GALNT13: variants seen among roughly 807,000 people sequenced by gnomAD.
GALNT13 encodes the protein UDP-GalNAc:polypeptide N-acetylgalactosaminyltransferase 13.
In GALNT13, 28 loss-of-function variants were observed where a neutral mutation model predicts 64.2. The observed-to-expected ratio is 0.44, with a 90% CI of 0.32 to 0.60. GALNT13 has a LOEUF of 0.60. Among genes scored for constraint, GALNT13 ranks in the 20% least tolerant of loss-of-function variants. The pLI, the probability that GALNT13 is intolerant of heterozygous loss-of-function variation, is 0.05. For synonymous variants in GALNT13, 214 were observed against 224.6 expected, an observed-to-expected ratio of 0.95 and a Z score of 0.42; for missense variants, 577 against 669.8, an observed-to-expected ratio of 0.86 and a Z score of 1.53.
the GALNT13 span, among the ~76,000 whole-genome samples, chr2:153,836,539 G>T: frequency 6.6e-6 from 1 of 151,068 alleles, no homozygotes; most frequent in Non-Finnish European, 1.5e-5. Context: ...TTAAGTTTTA[G>T]GGTACATGTG....
intron 4 of GALNT13, among the ~76,000 whole-genome samples, chr2:154,222,750 G>A (rs1173880958): frequency 6.6e-6 from 1 of 152,074 alleles, no homozygotes; most frequent in Non-Finnish European, 1.5e-5. Context: ...TTCCCCATAT[G>A]TTACCTCCTC....
chr2:153,569,613 T>G, the GALNT13 span, among the ~76,000 whole-genome samples: 15 of 152,158 alleles, frequency 9.9e-5, no homozygotes, highest in Non-Finnish European at 1.9e-4. Flanking sequence ...GATGCAGGCA[T>G]GTAATATGAA....
chr2:153,806,611 A>G, the GALNT13 span, among the ~76,000 whole-genome samples: 3 of 151,670 alleles, frequency 2.0e-5, no homozygotes, highest in South Asian at 2.1e-4. Context: ...AGAAATCAAT[A>G]TCATTATCAT....
chr2:153,073,968 T>G, the GALNT13 span, among the ~76,000 whole-genome samples: 16 of 152,266 alleles, frequency 1.1e-4, no homozygotes, highest in South Asian at 8.3e-4. Flanking sequence ...TCATTTACCA[T>G]ATTTCCTTAC....
At chr2:153,119,736 C>A in the GALNT13 span, among the ~76,000 whole-genome samples, 24,101 of 152,054 alleles carry the variant, frequency 0.16, 2,040 homozygotes, top group Middle Eastern at 0.22. Flanking sequence ...CCTTGCCTGA[C>A]CCTTCAGAGA....
the GALNT13 span, among the ~76,000 whole-genome samples, chr2:153,359,630 CAAAAA>C: frequency 7.8e-4 from 30 of 38,230 alleles, no homozygotes; most frequent in African/African-American, 2.2e-3. Flanking sequence ...CAGCTTTCAG[CAAAAA>C]AAAAAAAAAA....
intron 4 of GALNT13, among the ~76,000 whole-genome samples, chr2:154,149,954 C>A (rs1188192888): frequency 1.3e-5 from 2 of 152,176 alleles, no homozygotes; most frequent in Admixed American, 1.3e-4. Flanking sequence ...GCCAGAACGT[C>A]CAACACTATG....
chr2:153,363,771 A>G, the GALNT13 span, among the ~76,000 whole-genome samples: 11 of 152,204 alleles, frequency 7.2e-5, no homozygotes, highest in African/African-American at 2.2e-4. Flanking sequence ...AATAAAGCCC[A>G]GGACCAGATG....
the GALNT13 span, among the ~76,000 whole-genome samples, chr2:153,728,684 C>A: frequency 3.3e-5 from 5 of 152,102 alleles, no homozygotes; most frequent in African/African-American, 1.2e-4. Flanking sequence ...AAAAACCCTT[C>A]AAAAAATCAA....
rs558520868 is a variant in GALNT13 at position 154,160,439 on chromosome 2, T to C, written c.311+19934T>C. On this transcript the variant is annotated intron_variant, in intron 4 of 12. Coordinates refer to ENST00000392825, the MANE Select transcript of GALNT13 (RefSeq NM_052917.4). ...GTGCAATAATTCTTACCATATCCAC[T>C]TCCCTGTAGAATTCATGACTCCTTA... Among the ~76,000 whole-genome samples the C allele has an allele frequency of 6.6e-5, 10 of 152,212 alleles. No homozygotes were observed. The South Asian group carries it at 2.1e-3, about 32-fold the overall frequency.
At chr2:153,892,687 CT>C (rs770704683) in intron 1 of GALNT13, among the ~76,000 whole-genome samples, 9 of 152,006 alleles carry the variant, frequency 5.9e-5, no homozygotes, top group Non-Finnish European at 1.0e-4. Context: ...TTTCACATTA[CT>C]AAAAACAAAC....
At chr2:154,253,687 A>T (rs1690212815) in intron 7 of GALNT13, among the ~76,000 whole-genome samples, 1 of 152,190 alleles carries the variant, frequency 6.6e-6, no homozygotes, top group Admixed American at 6.5e-5. Flanking sequence ...TAGATGATAG[A>T]GCCTTTGAAA....
intron 11 of GALNT13, among the ~76,000 whole-genome samples, chr2:154,415,706 C>A (rs921056895): frequency 1.5e-4 from 23 of 152,114 alleles, no homozygotes; most frequent in Admixed American, 7.2e-4. Context: ...TACTTTGTTT[C>A]ATTACAGATC....
intron 3 of GALNT13, among the ~76,000 whole-genome samples, chr2:154,119,759 G>C (rs1681825640): frequency 6.6e-6 from 1 of 151,930 alleles, no homozygotes; most frequent in Admixed American, 6.6e-5. Flanking sequence ...TTTATCTCTA[G>C]GATTCCTATC....
intron 4 of GALNT13, among the ~76,000 whole-genome samples, chr2:154,142,549 CAAAAAAAAA>C (rs71396392): frequency 1.5e-5 from 1 of 66,498 alleles, no homozygotes; most frequent in Non-Finnish European, 2.8e-5. Flanking sequence ...AACTCTGTCT[CAAAAAAAAA>C]AAAAAAAAAA....
chr2:153,914,740 T>A (rs1267962768), intron 2 of GALNT13, among the ~76,000 whole-genome samples: 1 of 152,078 alleles, frequency 6.6e-6, no homozygotes, highest in Non-Finnish European at 1.5e-5. Context: ...CCGACAGGCT[T>A]CTTTGCTTAG....
At chr2:153,266,997 C>T in the GALNT13 span, among the ~76,000 whole-genome samples, 2 of 152,328 alleles carry the variant, frequency 1.3e-5, no homozygotes, top group African/African-American at 4.8e-5. Flanking sequence ...GGAGTGTGGG[C>T]ATTGGGTAAG....
At chr2:154,130,349 G>A (rs1267185432) in intron 3 of GALNT13, among the ~76,000 whole-genome samples, 1 of 152,138 alleles carries the variant, frequency 6.6e-6, no homozygotes, top group Non-Finnish European at 1.5e-5. Context: ...CAGAGAGCTG[G>A]AGATGGTGCA....
At chr2:153,233,727 G>A in the GALNT13 span, among the ~76,000 whole-genome samples, 1 of 152,114 alleles carries the variant, frequency 6.6e-6, no homozygotes, top group Non-Finnish European at 1.5e-5. Context: ...TCTGCATGAG[G>A]CTTCATAGTA....
Sources: gnomAD v4.1 joint callset for allele counts (sites outside exome capture counted in the v4.1 genomes callset) on GRCh38, gnomAD v4.1.1 for gene constraint, MANE v1.5 for transcripts, NCBI Gene and HGNC (gene_info 2026-07-23, HGNC 2026-07-21) for gene names.